The following PITPNM1 variants were observed in gnomAD, a reference collection of about 807,000 sequenced individuals.
PITPNM1 encodes the protein phosphatidylinositol transfer protein membrane associated 1.
In PITPNM1, 74 loss-of-function variants were observed where a neutral mutation model predicts 133.3. That is an observed-to-expected ratio of 0.56 (90% CI 0.46 to 0.67). The LOEUF (loss-of-function observed/expected upper bound fraction) is 0.67, where lower values mean the gene tolerates loss of function less well. PITPNM1 is among the 30% of genes least tolerant of loss of function. The pLI is 0.00. For missense variants in PITPNM1, 1,398 were observed against 1,739.5 expected, an observed-to-expected ratio of 0.80 and a Z score of 3.49; for synonymous variants, 738 against 741.4, an observed-to-expected ratio of 1.00 and a Z score of 0.08.
At chr11:67,493,325 A>T in intron 22 of PITPNM1, 85 bp downstream of exon 22, 1 of 1,360,700 alleles carries the variant, frequency 7.3e-7, no homozygotes, top group Non-Finnish European at 1.0e-6. Context: ...AGTTGGGAAC[A>T]GATGGGCCTC....
In PITPNM1 at chr11:67,502,691, C is replaced by G. The variant is rs1866372651; in HGVS notation, c.106G>C (p.Glu36Gln). The change falls in exon 3 of 24, where the codon GAG becomes CAG. Residue 36 changes from glutamate (E) to glutamine (Q), a missense_variant. This residue lies in a region of PITPNM1 where 274 missense variants were observed against 360.7 expected (regional missense o/e 0.76). Transcript: ENST00000356404. This position sits in a 1 kb window ranked among gnomAD's most constrained non-coding sequence, Gnocchi z 5.9. ...QKKSREESSG[E>Q]GSGVEILANR... ...GCCAGGATCTCCACGCCGCTGCCCT[C>G]ACCACTAGACTCCTCCCGGCTCTTT... The G allele has an allele frequency of 6.2e-7, 1 of 1,613,114 alleles. No individual in the cohort carries two copies. The highest frequency in any genetic ancestry group is 1.3e-5 in the African/African-American group (1 of 74,942).
chr11:67,501,887 C>T lies in PITPNM1; in HGVS notation c.615G>A (p.Lys205=). ...CTACATCATGGATGAACTGCTCGATCTTGGCTTGCATGCCCCAGTAGCGGA... is the reference window on the plus strand; with the variant it reads ...CTACATCATGGATGAACTGCTCGATTTTGGCTTGCATGCCCCAGTAGCGGA... ...VEFRYWGMQA[K]IEQFIHDVGL... The change falls in exon 5 of 24, where the codon AAG becomes AAA. Residue 205 remains lysine, a synonymous_variant. Transcript: ENST00000356404. 1 of 1,613,726 alleles carries T rather than the reference C, an allele frequency of 6.2e-7. No homozygotes were observed. Among genetic ancestry groups the T allele is most frequent in the Middle Eastern group, 1.6e-4 (1 of 6,062 alleles).
chr11:67,504,034 C>T lies in PITPNM1; in HGVS notation c.78+69G>A, dbSNP rs1866413541. The T allele has an allele frequency of 3.1e-6, 4 of 1,270,354 alleles. No homozygotes were observed. The highest frequency in any genetic ancestry group is 2.4e-5 in the Admixed American group (1 of 41,114). 78.7% of individuals were successfully genotyped at this position (1,270,354 alleles called of 1,614,324 possible). A position where few individuals can be genotyped will look rare whatever the true frequency, so the allele number is the denominator to read the frequency against. On this transcript the variant is annotated intron_variant, in intron 2 of 23. Transcript: ENST00000356404. The surrounding 1 kb of genome is among the most constrained non-coding windows in gnomAD (Gnocchi z 5.4). ...CCGGGCTCCCAGCCGGTCCCAGCCCCGGGGCAGGGCTGGCGGGGTCGGCAG... is the reference window on the plus strand; with the variant it reads ...CCGGGCTCCCAGCCGGTCCCAGCCCTGGGGCAGGGCTGGCGGGGTCGGCAG...
At chr11:67,500,040 C>T in intron 6 of PITPNM1, 31 bp from the exon 7 acceptor site, 1 of 1,608,678 alleles carries the variant, frequency 6.2e-7, no homozygotes, top group Non-Finnish European at 8.5e-7. Context: ...CAGCCTCAGC[C>T]CAGGAGCCCA....
chr11:67,492,240 C>G lies in PITPNM1; in HGVS notation c.3528G>C (p.Ser1176=). The change falls in exon 24 of 24, where the codon TCG becomes TCC. Residue 1176 remains serine, a synonymous_variant. Coordinates refer to ENST00000356404, the MANE Select transcript of PITPNM1 (RefSeq NM_004910.3). The stretch of plus-strand genomic sequence containing the variant: ...CTCTCGGGGGTCCCGAGGAGGCATG[C>G]GAGTGCGAGCCCGCTTCCAGCTGGC... ...HLGQLEAGSH[S]HASSGPPRAA... The G allele has an allele frequency of 6.2e-7, 1 of 1,601,058 alleles. No individual in the cohort carries two copies. Among genetic ancestry groups the G allele is most frequent in the Non-Finnish European group, 8.5e-7 (1 of 1,173,094 alleles).
intron 12 of PITPNM1, 37 bp downstream of exon 12, chr11:67,497,880 T>C (rs749031667): frequency 6.3e-7 from 1 of 1,590,142 alleles, no homozygotes; most frequent in African/African-American, 1.3e-5. Flanking sequence ...GAGAGGGCCT[T>C]TCCGCTCCTG....
rs371845321 is a variant in PITPNM1, at chr11:67,494,051, G to A, written c.2879C>T (p.Thr960Met). 2.6e-5 allele frequency: 42 copies of A among 1,607,876 alleles called. No homozygotes were observed. The highest frequency in any genetic ancestry group is 4.5e-5 in the East Asian group (2 of 44,790). Residue 960 changes from threonine to methionine, a missense_variant, in exon 20 of 24, where the codon ACG (threonine) becomes ATG (methionine). By Grantham distance (81) the Thr-to-Met change is moderately conservative. Coordinates refer to ENST00000356404, the MANE Select transcript of PITPNM1 (RefSeq NM_004910.3). Reference protein sequence around the residue: ...TGEKVDVYIMTQPLSGKWIHF... With the variant: ...TGEKVDVYIMMQPLSGKWIHF... Reference sequence around the variant, plus strand: ...GATCCACTTGCCCGACAGCGGCTGCGTCATGATGTAGACATCCACCTGGAG... The same window carrying A: ...GATCCACTTGCCCGACAGCGGCTGCATCATGATGTAGACATCCACCTGGAG...
intron 17 of PITPNM1, 26 bp from the exon 18 acceptor site, chr11:67,494,982 CTG>C: frequency 6.2e-7 from 1 of 1,610,108 alleles, no homozygotes; most frequent in Non-Finnish European, 8.5e-7. Context: ...GGCGAGGCCT[CTG>C]TCTCTTAGGG....
chr11:67,495,160 C>A lies in PITPNM1; in HGVS notation c.2548G>T (p.Ala850Ser). 6.2e-7 allele frequency: 1 copy of A among 1,611,982 alleles called. No individual in the cohort carries two copies. Among genetic ancestry groups the A allele is most frequent in the South Asian group, 1.1e-5 (1 of 91,074 alleles). Residue 850 changes from alanine (A) to serine (S), a missense_variant, in exon 17 of 24, where the codon GCC becomes TCC. Around this residue, in one of 5 missense-constraint regions of PITPNM1, gnomAD observed 574 missense variants for 698.7 expected, o/e 0.82. Coordinates refer to ENST00000356404, the MANE Select transcript of PITPNM1 (RefSeq NM_004910.3). Reference sequence around the variant, plus strand: ...TGGGGCAGCGTGACGGTGGGAAAGGCGGTGAGCGCCTCGGGGCAGTACAGC... The same window carrying A: ...TGGGGCAGCGTGACGGTGGGAAAGGAGGTGAGCGCCTCGGGGCAGTACAGC... ...YSLYCPEALT[A>S]FPTVTLPHLF... is the part of the protein sequence containing the mutation.
At chr11:67,500,554 G>A (rs1425972720) in intron 5 of PITPNM1, 133 bp from the exon 6 acceptor site, 3 of 805,608 alleles carry the variant, frequency 3.7e-6, no homozygotes, top group Non-Finnish European at 5.9e-6. Flanking sequence ...GTAGGGCAGG[G>A]CCAGTGCAGT....
chr11:67,492,164 G>A lies in PITPNM1; in HGVS notation c.3604C>T (p.Arg1202Cys), dbSNP rs778114702. The A allele has an allele frequency of 3.7e-6, 6 of 1,611,356 alleles. No individual in the cohort carries two copies. Among genetic ancestry groups the A allele is most frequent in the Admixed American group, 1.7e-5 (1 of 59,996 alleles). Residue 1202 changes from arginine to cysteine, a missense_variant, in exon 24 of 24, where the codon CGC becomes TGC. Transcript: ENST00000356404. ...GAGCGAAGCAGCTGGCTCTGTTTGCGCAGGAAGTCCACGGGGGCAGCCACA... is the reference window on the plus strand; with the variant it reads ...GAGCGAAGCAGCTGGCTCTGTTTGCACAGGAAGTCCACGGGGGCAGCCACA... The part of the protein sequence containing the change: ...YGVAAPVDFL[R>C]KQSQLLRSRG...
Position 67,495,302 on chromosome 11 carries a change from C to G in PITPNM1, c.2483-77G>C, listed in dbSNP as rs1360645381. The G allele has an allele frequency of 2.0e-6, 3 of 1,487,770 alleles. No individual in the cohort carries two copies. In the African/African-American group the frequency reaches 4.2e-5, roughly 21 times the overall value. 92.2% of individuals were successfully genotyped at this position (1,487,770 alleles called of 1,614,324 possible). A position where few individuals can be genotyped will look rare whatever the true frequency, so the allele number is the denominator to read the frequency against. On this transcript the variant is annotated intron_variant, in intron 16 of 23. Transcript: ENST00000356404. ...GCCTGGGCGCTGGGTGCTCTTCCCT[C>G]CCCCCTTTTCACCCAGCCTGCTCTT... is the stretch of plus-strand genomic sequence containing the variant.
chr11:67,499,623 T>C, intron 8 of PITPNM1, 100 bp downstream of exon 8: 1 of 147,938 alleles, frequency 6.8e-6, no homozygotes, highest in Middle Eastern at 4.9e-4. Context: ...ATGTATTTAA[T>C]GAGCACCTCT....
chr11:67,497,053 G>T, intron 14 of PITPNM1, 178 bp downstream of exon 14: 1 of 526,130 alleles, frequency 1.9e-6, no homozygotes, highest in East Asian at 3.2e-5. Flanking sequence ...GGCTTTGGGA[G>T]ACTCACCCTT....
chr11:67,496,153 C>T (rs759689285), intron 15 of PITPNM1, 25 bp downstream of exon 15: 1 of 1,486,770 alleles, frequency 6.7e-7, no homozygotes, highest in Non-Finnish European at 8.9e-7. Flanking sequence ...CCTCCTTCTC[C>T]CCTTTATCTT....
chr11:67,493,505 G>A lies in PITPNM1; in HGVS notation c.3247C>T (p.His1083Tyr). ...KHRVVAWLSQ[H>Y]NFPHGVVSFC... Reference sequence around the variant, plus strand: ...GAGACGACGCCGTGGGGGAAGTTGTGCTGCGACAGCCATGCCACCACGCGG... The same window carrying A: ...GAGACGACGCCGTGGGGGAAGTTGTACTGCGACAGCCATGCCACCACGCGG... Residue 1083 changes from histidine to tyrosine, a missense_variant, in exon 22 of 24, where the codon CAC (histidine) becomes TAC (tyrosine). By Grantham distance (83) the His-to-Tyr change is moderately conservative. Coordinates refer to ENST00000356404, the MANE Select transcript of PITPNM1 (RefSeq NM_004910.3). 1 of 1,597,658 alleles carries A rather than the reference G, an allele frequency of 6.3e-7. No individual in the cohort carries two copies. Among genetic ancestry groups the A allele is most frequent in the Non-Finnish European group, 8.5e-7 (1 of 1,172,812 alleles).
At chr11:67,495,713 C>T in intron 15 of PITPNM1, 111 bp from the exon 16 acceptor site, 1 of 1,041,514 alleles carries the variant, frequency 9.6e-7, no homozygotes, top group South Asian at 1.8e-5. Context: ...TGGTCAGGTC[C>T]TGGCTGAGGC....
intron 13 of PITPNM1, 42 bp downstream of exon 13, chr11:67,497,480 C>G: frequency 6.3e-7 from 1 of 1,595,588 alleles, no homozygotes; most frequent in Non-Finnish European, 8.5e-7. Context: ...CTCTGTAGTC[C>G]ATCATGTGCC....
chr11:67,491,793 A>T lies in PITPNM1; in HGVS notation c.*240T>A. On this transcript the variant is annotated 3_prime_UTR_variant, in exon 24 of 24. Coordinates refer to ENST00000356404, the MANE Select transcript of PITPNM1 (RefSeq NM_004910.3). ...TGGGGTGCAGGTGGCGTTTATTTTC[A>T]TGGATTTATACACACTGGAAAAGCC... 1.9e-6 allele frequency: 1 copy of T among 515,566 alleles called. No individual in the cohort carries two copies. Among genetic ancestry groups the T allele is most frequent in the African/African-American group, 1.9e-5 (1 of 51,432 alleles). The allele number at this position is 515,566 out of a possible 1,614,324, so 31.9% of individuals were successfully genotyped here.
Sources: gnomAD v4.1 joint callset for allele counts on GRCh38, gnomAD v4.1.1 for gene constraint, gnomAD v4.1.1 regional missense constraint, Gnocchi (gnomAD v3.1) non-coding constraint, MANE v1.5 for transcripts, NCBI Gene and HGNC (gene_info 2026-07-23, HGNC 2026-07-21) for gene names.